HS6ST3: variants seen among roughly 807,000 people sequenced by gnomAD.
The protein encoded by HS6ST3 is heparan sulfate 6-O-sulfotransferase 3, also known as heparan-sulfate 6-O-sulfotransferase 3.
In HS6ST3, 12 loss-of-function variants were observed where a neutral mutation model predicts 36.7. The observed-to-expected ratio is 0.33, with a 90% CI of 0.21 to 0.53. HS6ST3 has a LOEUF of 0.53. HS6ST3 is among the 20% of genes least tolerant of loss of function. The pLI is 0.95. For missense variants in HS6ST3, 584 were observed against 640.9 expected (o/e 0.91, Z 0.96); for synonymous variants, 240 against 257.5 (o/e 0.93, Z 0.65).
intron 1 of HS6ST3, among the ~76,000 whole-genome samples, chr13:96,108,440 C>CATTT (rs1026850182): frequency 1.3e-5 from 2 of 152,160 alleles, no homozygotes; most frequent in African/African-American, 2.4e-5. Context: ...TTGCCCTGCC[C>CATTT]ATTTGCCTTG....
At chr13:96,601,835 C>A (rs749186053) in intron 1 of HS6ST3, among the ~76,000 whole-genome samples, 3 of 152,038 alleles carry the variant, frequency 2.0e-5, no homozygotes, top group Non-Finnish European at 4.4e-5. Flanking sequence ...TTTATGGTCA[C>A]CTAGCTTTGG....
chr13:96,730,596 C>T (rs1876125884), intron 1 of HS6ST3, among the ~76,000 whole-genome samples: 5 of 152,046 alleles, frequency 3.3e-5, no homozygotes, highest in Admixed American at 3.3e-4. Context: ...GAGACAGGGT[C>T]TCACCCTGTT....
intron 1 of HS6ST3, among the ~76,000 whole-genome samples, chr13:96,136,682 C>CATATATATATATATATATAT (rs56247662): frequency 3.1e-5 from 4 of 130,526 alleles, no homozygotes; most frequent in Non-Finnish European, 4.9e-5. Context: ...TGTTATGAAA[C>CATATATATATATATATATAT]ATATATATAT....
chr13:96,413,608 T>A (rs1421525857), intron 1 of HS6ST3, among the ~76,000 whole-genome samples: 2 of 152,230 alleles, frequency 1.3e-5, no homozygotes, highest in African/African-American at 4.8e-5. Context: ...CATTCAGGTA[T>A]TGACTACATG....
intron 1 of HS6ST3, among the ~76,000 whole-genome samples, chr13:96,137,800 G>C (rs1257750487): frequency 1.3e-5 from 2 of 152,150 alleles, no homozygotes; most frequent in African/African-American, 4.8e-5. Context: ...AGCAGATAAG[G>C]AAGTTGCAGG....
At position 96,209,254 on chromosome 13, in the gene HS6ST3, G is replaced by A. The variant is rs145815213; in HGVS notation, c.707+117685G>A. Among the ~76,000 whole-genome samples, 251 of 152,274 alleles carry A rather than the reference G, an allele frequency of 1.6e-3. 2 individuals carry two copies. The highest frequency in any genetic ancestry group is 2.6e-3 in the Admixed American group (40 of 15,290). Reference sequence around the variant, plus strand: ...CAACTTACAGAAGTTGTGGGTTAGCGGTAGCGGGGATCATATTAGAACAAG... The same window carrying A: ...CAACTTACAGAAGTTGTGGGTTAGCAGTAGCGGGGATCATATTAGAACAAG... On this transcript the variant is annotated intron_variant, in intron 1 of 1. Coordinates refer to ENST00000376705, the MANE Select transcript of HS6ST3 (RefSeq NM_153456.4).
intron 1 of HS6ST3, among the ~76,000 whole-genome samples, chr13:96,413,571 G>C (rs1045883656): frequency 2.6e-5 from 4 of 152,156 alleles, no homozygotes; most frequent in Admixed American, 2.6e-4. Context: ...ATTTTTAGAA[G>C]AAGTCTTCAC....
At chr13:96,105,091 G>T (rs1594677518) in intron 1 of HS6ST3, among the ~76,000 whole-genome samples, 1 of 148,458 alleles carries the variant, frequency 6.7e-6, no homozygotes, top group South Asian at 2.1e-4. Context: ...GAAAAAGAAA[G>T]AAGAAAAGTG....
chr13:96,821,557 G>A (rs1878535495), intron 1 of HS6ST3, among the ~76,000 whole-genome samples: 1 of 152,296 alleles, frequency 6.6e-6, no homozygotes, highest in South Asian at 2.1e-4. Context: ...AAATGTACTT[G>A]GACATAGTAT....
intron 1 of HS6ST3, among the ~76,000 whole-genome samples, chr13:96,098,883 C>A: frequency 6.6e-6 from 1 of 152,140 alleles, no homozygotes; most frequent in East Asian, 1.9e-4. Flanking sequence ...GTGAGGAAAT[C>A]ATAAAAGAGT....
At chr13:96,376,062 C>T (rs1272387166) in intron 1 of HS6ST3, among the ~76,000 whole-genome samples, 2 of 152,058 alleles carry the variant, frequency 1.3e-5, no homozygotes, top group African/African-American at 4.8e-5. Context: ...GCATATGGAA[C>T]CCCGAATGAT....
intron 1 of HS6ST3, among the ~76,000 whole-genome samples, chr13:96,455,943 T>C (rs1052951471): frequency 3.3e-5 from 5 of 152,202 alleles, no homozygotes; most frequent in Admixed American, 3.3e-4. Flanking sequence ...AAGCTGATGG[T>C]TAAACCTAGG....
chr13:96,820,807 C>A (rs1878518195), intron 1 of HS6ST3, among the ~76,000 whole-genome samples: 1 of 152,234 alleles, frequency 6.6e-6, no homozygotes, highest in Admixed American at 6.5e-5. Context: ...TTTCTTAAAT[C>A]TCTTCCTGAA....
At chr13:96,707,665 A>G (rs1418920903) in intron 1 of HS6ST3, among the ~76,000 whole-genome samples, 4 of 152,178 alleles carry the variant, frequency 2.6e-5, no homozygotes, top group Non-Finnish European at 5.9e-5. Flanking sequence ...TGGCTTCTGT[A>G]TATGTGCACT....
chr13:96,441,351 C>A (rs1056562308), intron 1 of HS6ST3, among the ~76,000 whole-genome samples: 1 of 151,298 alleles, frequency 6.6e-6, no homozygotes, highest in African/African-American at 2.4e-5. Context: ...AGGGATGGTT[C>A]CACAGAGCAA....
At chr13:96,179,609 C>T (rs1028499352) in intron 1 of HS6ST3, among the ~76,000 whole-genome samples, 12 of 152,234 alleles carry the variant, frequency 7.9e-5, no homozygotes, top group African/African-American at 2.9e-4. Flanking sequence ...CTCTTCTTCT[C>T]CTTTTGGGCC....
At chr13:96,517,061 C>T (rs1161038008) in intron 1 of HS6ST3, among the ~76,000 whole-genome samples, 1 of 152,168 alleles carries the variant, frequency 6.6e-6, no homozygotes, top group Non-Finnish European at 1.5e-5. Context: ...ATCACTTTCA[C>T]CTAAATTCCA....
At chr13:96,180,906 T>C (rs1490634790) in intron 1 of HS6ST3, among the ~76,000 whole-genome samples, 2 of 152,196 alleles carry the variant, frequency 1.3e-5, no homozygotes, top group Admixed American at 1.3e-4. Flanking sequence ...TTTATTAATG[T>C]GGATAACTTA....
At chr13:96,790,571 AT>A (rs1368238156) in intron 1 of HS6ST3, among the ~76,000 whole-genome samples, 1 of 152,154 alleles carries the variant, frequency 6.6e-6, no homozygotes, top group East Asian at 1.9e-4. Context: ...GTCAACCAAT[AT>A]TTTTTAAGTT....
Sources: allele counts gnomAD v4.1 joint callset (sites outside exome capture counted in the v4.1 genomes callset), GRCh38; gene constraint gnomAD v4.1.1; transcripts MANE v1.5; gene names NCBI Gene and HGNC (gene_info 2026-07-23, HGNC 2026-07-21).